The following VWDE variants were observed in gnomAD, a reference collection of about 807,000 sequenced individuals.
VWDE encodes the protein von Willebrand factor D and EGF domains, also known as von Willebrand factor D and EGF domain-containing protein.
A neutral mutation model predicts 178.4 loss-of-function variants in VWDE; 207 were observed. The ratio of observed to expected loss-of-function variants is 1.16; its 90% CI spans 1.04 to 1.30. The LOEUF is 1.30. VWDE is among the 50% of genes most tolerant of loss of function. VWDE has a pLI of 0.00. For synonymous variants in VWDE, 738 were observed against 651.4 expected (o/e 1.13, Z -2.02); for missense variants, 2,287 against 1,901.3 (o/e 1.20, Z -3.77).
intron 16 of VWDE, among the ~76,000 whole-genome samples, 196 bp from the exon 17 acceptor site, chr7:12,357,711 G>A (rs1026038845): frequency 6.6e-6 from 1 of 151,812 alleles, no homozygotes; most frequent in African/African-American, 2.4e-5. Flanking sequence ...TAACTGACAG[G>A]TGCAAGACCT....
At position 12,342,106 on chromosome 7, in the gene VWDE, T is replaced by G. The variant is rs1248084621; in HGVS notation, c.4223A>C (p.Asp1408Ala). The G allele has an allele frequency of 6.4e-7, 1 of 1,551,572 alleles. No individual in the cohort carries two copies. The highest frequency in any genetic ancestry group is 8.7e-7 in the Non-Finnish European group (1 of 1,146,908). ...CCAGCCAGGTTTGCACTGGCAAATATCTGGTGTAAGACACTGGCCTCCATT... is the reference window on the plus strand; with the variant it reads ...CCAGCCAGGTTTGCACTGGCAAATAGCTGGTGTAAGACACTGGCCTCCATT... ...CENGGQCLTP[D>A]ICQCKPGWYG... The change falls in exon 23 of 29, where the codon GAT becomes GCT. Residue 1408 changes from aspartate to alanine, a missense_variant. Physicochemically the swap from Asp to Ala is moderately radical, Grantham distance 126 (BLOSUM62 -2). Transcript: ENST00000275358.
At chr7:12,376,167 C>G (rs193049017) in intron 7 of VWDE, among the ~76,000 whole-genome samples, 25 of 152,182 alleles carry the variant, frequency 1.6e-4, no homozygotes, top group African/African-American at 5.1e-4. Flanking sequence ...TCTTAACCAA[C>G]TCTCTAAGGT....
At chr7:12,392,932 A>G (rs2128562330) in intron 2 of VWDE, among the ~76,000 whole-genome samples, 1 of 152,244 alleles carries the variant, frequency 6.6e-6, no homozygotes, top group Middle Eastern at 3.4e-3. Context: ...AAAAAAAGGT[A>G]TGCTGGCTGC....
At chr7:12,388,403 T>A (rs897545877) in intron 3 of VWDE, among the ~76,000 whole-genome samples, 2 of 152,102 alleles carry the variant, frequency 1.3e-5, no homozygotes, top group Admixed American at 6.6e-5. Context: ...TTTTTTTCCT[T>A]ATCATACCCA....
In VWDE at chr7:12,342,135, A is replaced by T. The variant is rs1436978131; in HGVS notation, c.4194T>A (p.Cys1398Ter). 1 of 1,551,470 alleles carries T rather than the reference A, an allele frequency of 6.4e-7. No individual in the cohort carries two copies. The highest frequency in any genetic ancestry group is 8.7e-7 in the Non-Finnish European group (1 of 1,146,830). ...RCETMVCNRHCENGGQCLTPD... is the reference protein window; with the variant it reads ...RCETMVCNRH The stretch of plus-strand genomic sequence containing the variant: ...GTGTAAGACACTGGCCTCCATTTTC[A>T]CAGTGCCTGTTACAAACCACTGAGA... The change falls in exon 23 of 29, where the codon TGT becomes TGA. Residue 1398 changes from cysteine (C) to a stop codon, truncating the protein, a stop_gained. Coordinates refer to ENST00000275358, the MANE Select transcript of VWDE (RefSeq NM_001135924.3). LOFTEE classifies it high-confidence loss of function.
intron 2 of VWDE, among the ~76,000 whole-genome samples, 163 bp downstream of exon 2, chr7:12,393,431 T>C (rs1784479168): frequency 6.6e-6 from 1 of 152,164 alleles, no homozygotes; most frequent in Non-Finnish European, 1.5e-5. Context: ...ACAATTACTA[T>C]TATTATTAGA....
chr7:12,340,369 T>G lies in VWDE; in HGVS notation c.4319A>C (p.Asn1440Thr), dbSNP rs560057888. 6.4e-7 allele frequency: 1 copy of G among 1,551,534 alleles called. No homozygotes were observed. Among genetic ancestry groups the G allele is most frequent in the Non-Finnish European group, 8.7e-7 (1 of 1,146,868 alleles). The change falls in exon 24 of 29, where the codon AAT becomes ACT. Residue 1440 changes from asparagine (N) to threonine (T), a missense_variant. Physicochemically the swap from Asn to Thr is moderately conservative, Grantham distance 65. Coordinates refer to ENST00000275358, the MANE Select transcript of VWDE (RefSeq NM_001135924.3). ...GAATCCATTTGGACAGAGGCAAGTA[T>G]TTGGCTTATTACACGAACCACCATT... is the stretch of plus-strand genomic sequence containing the variant. ...CLNGGSCNKP[N>T]TCLCPNGFFG...
At chr7:12,349,685 A>T (rs1284676325) in intron 19 of VWDE, among the ~76,000 whole-genome samples, 1 of 152,004 alleles carries the variant, frequency 6.6e-6, no homozygotes, top group African/African-American at 2.4e-5. Context: ...AAGCAAAAGG[A>T]TATCAATTAG....
At chr7:12,359,185 T>C (rs766418708) in intron 16 of VWDE, among the ~76,000 whole-genome samples, 5 of 152,236 alleles carry the variant, frequency 3.3e-5, no homozygotes, top group Non-Finnish European at 7.3e-5. Context: ...GTACCCAATA[T>C]TATACTCATG....
chr7:12,367,550 AC>A, intron 12 of VWDE, 57 bp from the exon 13 acceptor site: 2 of 1,264,996 alleles, frequency 1.6e-6, no homozygotes, highest in South Asian at 1.7e-5. Context: ...AGAAAAAAAA[AC>A]TAATTATTTC....
At chr7:12,361,605 A>T in intron 13 of VWDE, 84 bp from the exon 14 acceptor site, 2 of 1,273,614 alleles carry the variant, frequency 1.6e-6, no homozygotes, top group Non-Finnish European at 2.1e-6. Context: ...GAAAACATAA[A>T]TTTTAAAATA....
intron 4 of VWDE, among the ~76,000 whole-genome samples, chr7:12,382,785 A>G (rs1006647163): frequency 6.6e-6 from 1 of 151,960 alleles, no homozygotes; most frequent in Non-Finnish European, 1.5e-5. Flanking sequence ...ATTTCTGCCC[A>G]TCATGTAGGC....
intron 24 of VWDE, 85 bp from the exon 25 acceptor site, chr7:12,337,357 T>C: frequency 1.7e-6 from 2 of 1,144,954 alleles, no homozygotes; most frequent in South Asian, 1.3e-5. Context: ...TTGTCATCAA[T>C]GAGGACATAA....
intron 19 of VWDE, among the ~76,000 whole-genome samples, chr7:12,349,220 G>A (rs1009320400): frequency 6.6e-5 from 8 of 122,126 alleles, no homozygotes; most frequent in African/African-American, 2.5e-4. Flanking sequence ...AAAACTTAAA[G>A]TATAATAATC....
At chr7:12,351,801 C>T in intron 18 of VWDE, 88 bp from the exon 19 acceptor site, 3 of 1,193,750 alleles carry the variant, frequency 2.5e-6, no homozygotes, top group Non-Finnish European at 2.3e-6. Context: ...ACAAACGCCA[C>T]TTGGATTAAA....
At chr7:12,364,592 G>C (rs549222822) in intron 13 of VWDE, among the ~76,000 whole-genome samples, 1 of 152,130 alleles carries the variant, frequency 6.6e-6, no homozygotes, top group South Asian at 2.1e-4. Context: ...AGTCTACACT[G>C]GCATGAGTAA....
At chr7:12,340,014 G>C (rs1781241311) in intron 24 of VWDE, among the ~76,000 whole-genome samples, 2 of 152,120 alleles carry the variant, frequency 1.3e-5, no homozygotes, top group African/African-American at 4.8e-5. Flanking sequence ...CAACAAAAAT[G>C]ACACAATTTC....
Position 12,359,674 on chromosome 7 carries a change from C to T in VWDE, c.3178G>A (p.Asp1060Asn). 6.5e-7 allele frequency: 1 copy of T among 1,542,452 alleles called. No homozygotes were observed. Among genetic ancestry groups the T allele is most frequent in the East Asian group, 2.5e-5 (1 of 40,634 alleles). The part of the protein sequence containing the change: ...CTIKENVCII[D>N]GLCYVEGDKN... ...TCTCCTTCAACATAGCAGAGTCCAT[C>T]AATAATGCAAACATTTTCCTAATGG... The change falls in exon 16 of 29, where the codon GAT (aspartate) becomes AAT (asparagine). Residue 1060 changes from aspartate (D) to asparagine (N), a missense_variant. Coordinates refer to ENST00000275358, the MANE Select transcript of VWDE (RefSeq NM_001135924.3).
At chr7:12,382,394 G>A (rs1783895352) in intron 4 of VWDE, among the ~76,000 whole-genome samples, 1 of 151,042 alleles carries the variant, frequency 6.6e-6, no homozygotes, top group South Asian at 2.1e-4. Context: ...TAAATCACAG[G>A]GCTTAATTAA....
Sources: allele counts gnomAD v4.1 joint callset (sites outside exome capture counted in the v4.1 genomes callset), GRCh38; gene constraint gnomAD v4.1.1; transcripts MANE v1.5; gene names NCBI Gene and HGNC (gene_info 2026-07-23, HGNC 2026-07-21).